Variants in MPDZ observed in about 807,000 individuals in gnomAD.
MPDZ encodes multiple PDZ domain protein.
MPDZ carries 234 observed loss-of-function variants against 239.1 expected under a neutral mutation model. The ratio of observed to expected loss-of-function variants is 0.98; its 90% CI spans 0.88 to 1.09. MPDZ has a LOEUF of 1.09. Among genes scored for constraint, MPDZ ranks in the 50% least tolerant of loss-of-function variants. The pLI is 0.00. For missense variants in MPDZ, 3,175 were observed against 2,510.0 expected, an observed-to-expected ratio of 1.26 and a Z score of -5.66; for synonymous variants, 1,048 against 881.3, an observed-to-expected ratio of 1.19 and a Z score of -3.35.
intron 25 of MPDZ, among the ~76,000 whole-genome samples, chr9:13,147,948 T>TA (rs1047052562): frequency 6.4e-4 from 98 of 152,070 alleles, no homozygotes; most frequent in African/African-American, 2.2e-3. Context: ...TCCTTTAAAT[T>TA]AAAAAAATCA....
chr9:13,277,854 T>TG (rs1198737248), intron 1 of MPDZ, among the ~76,000 whole-genome samples: 1 of 152,178 alleles, frequency 6.6e-6, no homozygotes, highest in Admixed American at 6.5e-5. Flanking sequence ...CGTGAGCCAT[T>TG]GCGCCTGGCC....
intron 1 of MPDZ, among the ~76,000 whole-genome samples, chr9:13,260,686 G>A (rs1442496671): frequency 6.6e-6 from 1 of 152,078 alleles, no homozygotes; most frequent in Non-Finnish European, 1.5e-5. Flanking sequence ...AGGAAGAGAG[G>A]AAAATCTGTC....
At chr9:13,155,655 T>C (rs182218726) in intron 24 of MPDZ, among the ~76,000 whole-genome samples, 1 of 152,286 alleles carries the variant, frequency 6.6e-6, no homozygotes, top group African/African-American at 2.4e-5. Context: ...ATCTTAAAAT[T>C]TATATTTTGC....
chr9:13,275,541 T>G (rs548473358), intron 1 of MPDZ, among the ~76,000 whole-genome samples: 120 of 152,288 alleles, frequency 7.9e-4, no homozygotes, highest in African/African-American at 2.9e-3. Flanking sequence ...CAGATTTTGG[T>G]ACCAGGAAAT....
rs1948203728 is a variant in MPDZ at position 13,144,721 on chromosome 9, T to C, written c.3742-1157A>G. On this transcript the variant is annotated intron_variant, in intron 26 of 46. Transcript: ENST00000319217. Reference sequence around the variant, plus strand: ...CTTTCAATCTGCTCTTCTTGCAATGTTTTTCCTACAGAGGGAAGACAGGAA... The same window carrying C: ...CTTTCAATCTGCTCTTCTTGCAATGCTTTTCCTACAGAGGGAAGACAGGAA... Among the ~76,000 whole-genome samples the C allele has an allele frequency of 2.6e-5, 4 of 152,204 alleles. 1 individual carries two copies. In the Middle Eastern group the frequency reaches 0.01, roughly 388 times the overall value.
chr9:13,150,959 C>T (rs1353489962), intron 24 of MPDZ, among the ~76,000 whole-genome samples: 1 of 151,984 alleles, frequency 6.6e-6, no homozygotes. Flanking sequence ...AAGGGAACTT[C>T]TAAAACTCAA....
chr9:13,119,874 T>C, intron 38 of MPDZ: 1 of 546,408 alleles, frequency 1.8e-6, no homozygotes, highest in East Asian at 3.3e-5. Flanking sequence ...AATAAGCATA[T>C]TTATTCTTCA....
At chr9:13,272,241 T>G (rs989995865) in intron 1 of MPDZ, among the ~76,000 whole-genome samples, 1 of 152,136 alleles carries the variant, frequency 6.6e-6, no homozygotes, top group African/African-American at 2.4e-5. Flanking sequence ...AGGGGCTGAA[T>G]AGGTTGACTT....
chr9:13,126,533 C>T lies in MPDZ; in HGVS notation c.4615G>A (p.Gly1539Ser), dbSNP rs867167693. Reference protein sequence around the residue: ...ILAVDDEIVVGYPIEKFISLL... With the variant: ...ILAVDDEIVVSYPIEKFISLL... The stretch of plus-strand genomic sequence containing the variant: ...AAAATTACCTTTTCAATAGGGTAAC[C>T]AACAACAATTTCATCATCTACAGCC... The change falls in exon 34 of 47, where the codon GGT (glycine) becomes AGT (serine). Residue 1539 changes from glycine (G) to serine (S), a missense_variant. Coordinates refer to ENST00000319217, the MANE Select transcript of MPDZ (RefSeq NM_001378778.1). The T allele has an allele frequency of 6.4e-7, 1 of 1,568,934 alleles. No individual in the cohort carries two copies. Among genetic ancestry groups the T allele is most frequent in the East Asian group, 2.3e-5 (1 of 42,846 alleles).
intron 3 of MPDZ, among the ~76,000 whole-genome samples, chr9:13,242,435 A>C (rs565431833): frequency 1.3e-5 from 2 of 151,696 alleles, no homozygotes; most frequent in South Asian, 4.2e-4. Flanking sequence ...CACCACGTTG[A>C]CCATGCTGGT....
At chr9:13,254,649 C>G (rs1482464120) in intron 1 of MPDZ, among the ~76,000 whole-genome samples, 2 of 152,140 alleles carry the variant, frequency 1.3e-5, no homozygotes, top group African/African-American at 4.8e-5. Flanking sequence ...GTGAATCTCT[C>G]AACAAAAGGG....
intron 7 of MPDZ, among the ~76,000 whole-genome samples, chr9:13,220,576 G>C (rs1172138027): frequency 6.6e-6 from 1 of 151,912 alleles, no homozygotes; most frequent in Non-Finnish European, 1.5e-5. Context: ...GATGCTGCTA[G>C]ATGCTAACTA....
chr9:13,145,270 A>C (rs939169081), intron 26 of MPDZ, among the ~76,000 whole-genome samples: 2 of 152,068 alleles, frequency 1.3e-5, no homozygotes, highest in African/African-American at 4.8e-5. Flanking sequence ...AGAAATATTA[A>C]CAACGAAGAA....
intron 1 of MPDZ, among the ~76,000 whole-genome samples, chr9:13,267,371 T>C (rs928380652): frequency 3.9e-5 from 6 of 152,198 alleles, no homozygotes; most frequent in African/African-American, 9.6e-5. Flanking sequence ...CTCCATACTT[T>C]ATACCCTCAT....
At chr9:13,258,490 T>G (rs961993931) in intron 1 of MPDZ, among the ~76,000 whole-genome samples, 1 of 152,232 alleles carries the variant, frequency 6.6e-6, no homozygotes, top group African/African-American at 2.4e-5. Context: ...CAGCAGTACC[T>G]GAAGTAAGCA....
intron 30 of MPDZ, among the ~76,000 whole-genome samples, chr9:13,136,420 C>T (rs1370417356): frequency 2.0e-5 from 3 of 148,240 alleles, no homozygotes; most frequent in Non-Finnish European, 4.4e-5. Flanking sequence ...CAACCTCCGC[C>T]TCCCAGGTTC....
rs1186410146 is a variant in MPDZ at position 13,183,429 on chromosome 9, A to G, written c.2638T>C (p.Ser880Pro). ...GLNYGSSLPS[S>P]PPKDVIENSC... Reference sequence around the variant, plus strand: ...CTTTTCCTTTGTACCTTAGGAGGAGATGATGGAAGGGAAGAACCATAGTTC... The same window carrying G: ...CTTTTCCTTTGTACCTTAGGAGGAGGTGATGGAAGGGAAGAACCATAGTTC... Residue 880 changes from serine to proline, a missense_variant, in exon 19 of 47, where the codon TCT becomes CCT. Ser to Pro is a moderately conservative substitution (Grantham distance 74). Transcript: ENST00000319217. The G allele has an allele frequency of 1.2e-6, 2 of 1,606,006 alleles. No individual in the cohort carries two copies. The highest frequency in any genetic ancestry group is 1.7e-5 in the Admixed American group (1 of 58,094).
In MPDZ at chr9:13,247,720, A is replaced by C. The variant is rs772425857; in HGVS notation, c.98T>G (p.Leu33Arg). 1 of 1,613,594 alleles carries C rather than the reference A, an allele frequency of 6.2e-7. No homozygotes were observed. Among genetic ancestry groups the C allele is most frequent in the South Asian group, 1.1e-5 (1 of 91,056 alleles). Residue 33 changes from leucine to arginine, a missense_variant, in exon 3 of 47, where the codon CTG becomes CGG. Leu to Arg is a moderately radical substitution (Grantham distance 102). Coordinates refer to ENST00000319217, the MANE Select transcript of MPDZ (RefSeq NM_001378778.1). ...ERGDVANEDK[L>R]SLLKSVLQSP... ...CTGCAGGACTGACTTCAGAAGGCTC[A>C]GTTTGTCTTCATTTGCTACATCCCC...
chr9:13,273,922 T>G (rs1219581066), intron 1 of MPDZ, among the ~76,000 whole-genome samples: 2 of 152,210 alleles, frequency 1.3e-5, no homozygotes, highest in African/African-American at 4.8e-5. Flanking sequence ...GCTATTAGTA[T>G]CAACTCAAAT....
Sources: gnomAD v4.1 joint callset for allele counts (sites outside exome capture counted in the v4.1 genomes callset) on GRCh38, gnomAD v4.1.1 for gene constraint, MANE v1.5 for transcripts, NCBI Gene and HGNC (gene_info 2026-07-23, HGNC 2026-07-21) for gene names.